XYLT1: variants seen among roughly 807,000 people sequenced by gnomAD.
The protein encoded by XYLT1 is beta-D-xylosyltransferase 1.
In XYLT1, 36 loss-of-function variants were observed where a neutral mutation model predicts 91.3. The ratio of observed to expected loss-of-function variants is 0.39; its 90% confidence interval spans 0.30 to 0.52. The LOEUF is 0.52. XYLT1 is among the 20% of genes least tolerant of loss of function. The probability of loss-of-function intolerance (pLI) is 0.68; values close to 1 mark genes in which losing one functional copy is unlikely to be tolerated. For synonymous variants in XYLT1, 588 were observed against 532.0 expected, an observed-to-expected ratio of 1.11 and a Z score of -1.45; for missense variants, 1,242 against 1,284.5, an observed-to-expected ratio of 0.97 and a Z score of 0.51.
chr16:17,379,089 G>GA (rs2035638278), intron 1 of XYLT1, among the ~76,000 whole-genome samples: 2 of 152,116 alleles, frequency 1.3e-5, no homozygotes, highest in South Asian at 2.1e-4. Context: ...GAAAAGGCAG[G>GA]AAAAAAGTGC....
intron 3 of XYLT1, among the ~76,000 whole-genome samples, chr16:17,213,387 A>G (rs548882270): frequency 1.3e-5 from 2 of 152,292 alleles, no homozygotes; most frequent in South Asian, 2.1e-4. Context: ...CTTTATAGCA[A>G]TGGGAGAATG....
At chr16:17,138,260 T>TGATAAGATGACCTGCAG in intron 8 of XYLT1, 95 bp downstream of exon 8, 1 of 1,459,574 alleles carries the variant, frequency 6.9e-7, no homozygotes, top group South Asian at 1.3e-5. Context: ...GGGCACCATG[T>TGATAAGATGACCTGCAG]GATAAGATGA....
chr16:17,470,080 G>C (rs1332217763), intron 1 of XYLT1, among the ~76,000 whole-genome samples: 1 of 144,932 alleles, frequency 6.9e-6, no homozygotes, highest in Non-Finnish European at 1.5e-5. Context: ...CACTCACTCA[G>C]GCAGGGAGCG....
intron 8 of XYLT1, among the ~76,000 whole-genome samples, chr16:17,138,027 G>A (rs529335719): frequency 7.7e-6 from 1 of 129,156 alleles, no homozygotes; most frequent in African/African-American, 3.3e-5. Context: ...TGATGAAAAG[G>A]GAATAAAGAG....
intron 3 of XYLT1, among the ~76,000 whole-genome samples, chr16:17,224,625 G>GCTTCC (rs2033030770): frequency 6.6e-6 from 1 of 152,120 alleles, no homozygotes; most frequent in South Asian, 2.1e-4. Flanking sequence ...ATGGCTTCAT[G>GCTTCC]AACTCTTGAA....
chr16:17,347,917 G>A lies in XYLT1; in HGVS notation c.402+10095C>T, dbSNP rs117800042. The stretch of plus-strand genomic sequence containing the variant: ...GGAGGGAGTGGTGTTCCTGGACCAC[G>A]GAGACAGTAGCTGCAGCCACGGGAG... On this transcript the variant is annotated intron_variant, in intron 2 of 11. Transcript: ENST00000261381. 2.3e-3 allele frequency among the ~76,000 whole-genome samples: 356 copies of A among 152,272 alleles called. 2 individuals are homozygous for A. The highest frequency in any genetic ancestry group is 3.8e-3 in the Non-Finnish European group (261 of 68,020).
At chr16:17,257,201 G>A (rs903873927) in intron 3 of XYLT1, among the ~76,000 whole-genome samples, 7 of 152,182 alleles carry the variant, frequency 4.6e-5, no homozygotes, top group African/African-American at 1.4e-4. Context: ...AGGAGGGATG[G>A]CCAGGAGTAA....
intron 1 of XYLT1, among the ~76,000 whole-genome samples, chr16:17,359,808 T>G (rs551300032): frequency 2.0e-4 from 31 of 152,350 alleles, no homozygotes; most frequent in African/African-American, 7.2e-4. Context: ...GCAGCTAGGA[T>G]TGGTAAAACC....
intron 2 of XYLT1, 101 bp from the exon 3 acceptor site, chr16:17,259,599 G>T: frequency 7.1e-7 from 1 of 1,409,396 alleles, no homozygotes; most frequent in Non-Finnish European, 9.6e-7. Context: ...GGAAGCCGGG[G>T]CCATAGTTTC....
At chr16:17,282,507 T>TA (rs2141786349) in intron 2 of XYLT1, among the ~76,000 whole-genome samples, 1 of 152,190 alleles carries the variant, frequency 6.6e-6, no homozygotes, top group South Asian at 2.1e-4. Flanking sequence ...TCGGCTCAGG[T>TA]GGGAGGGTGA....
chr16:17,181,982 G>T (rs1389209741), intron 5 of XYLT1, among the ~76,000 whole-genome samples: 2 of 152,130 alleles, frequency 1.3e-5, no homozygotes, highest in East Asian at 1.9e-4. Flanking sequence ...ACATGGAGCT[G>T]CCAGACCTGA....
chr16:17,225,635 A>G (rs537024375), intron 3 of XYLT1, among the ~76,000 whole-genome samples: 2 of 152,274 alleles, frequency 1.3e-5, no homozygotes, highest in South Asian at 2.1e-4. Context: ...TTCTTTTAGT[A>G]TATTACTTGT....
chr16:17,298,116 G>C (rs1028124210), intron 2 of XYLT1, among the ~76,000 whole-genome samples: 1 of 152,118 alleles, frequency 6.6e-6, no homozygotes, highest in Non-Finnish European at 1.5e-5. Context: ...CATCCTGTAA[G>C]GTCTCACTTG....
In XYLT1 at chr16:17,154,405, G is replaced by A. The variant is rs891444724; in HGVS notation, c.1370+4424C>T. Among the ~76,000 whole-genome samples, 95 of 152,274 alleles carry A rather than the reference G, an allele frequency of 6.2e-4. 1 individual carries two copies. The highest frequency in any genetic ancestry group is 3.4e-3 in the Middle Eastern group (1 of 294). On this transcript the variant is annotated intron_variant, in intron 6 of 11. Coordinates refer to ENST00000261381, the MANE Select transcript of XYLT1 (RefSeq NM_022166.4). The stretch of plus-strand genomic sequence containing the variant: ...GAAGGAAAAGTCTCAGAAAAACTCC[G>A]ATTTTCACTTTCCAGCTCCCTGGAA...
intron 1 of XYLT1, among the ~76,000 whole-genome samples, chr16:17,383,752 C>CTTTTTCTTTTT (rs2035712153): frequency 7.4e-6 from 1 of 135,596 alleles, no homozygotes. Context: ...GTGGAATTTT[C>CTTTTTCTTTTT]TTTTTTTTTT....
At chr16:17,352,336 C>T (rs1596497725) in intron 2 of XYLT1, among the ~76,000 whole-genome samples, 4 of 152,326 alleles carry the variant, frequency 2.6e-5, no homozygotes, top group African/African-American at 2.4e-5. Flanking sequence ...CAAATGCTCA[C>T]ATCAGACATT....
chr16:17,219,700 G>A (rs1176142587), intron 3 of XYLT1, among the ~76,000 whole-genome samples: 3 of 152,154 alleles, frequency 2.0e-5, no homozygotes, highest in African/African-American at 7.2e-5. Flanking sequence ...GGAGTGCAGT[G>A]GTGCGATCTT....
intron 2 of XYLT1, among the ~76,000 whole-genome samples, chr16:17,331,385 G>A (rs1215961015): frequency 2.6e-5 from 4 of 152,236 alleles, no homozygotes; most frequent in Non-Finnish European, 4.4e-5. Flanking sequence ...CCCTGAAAGA[G>A]AATGAGCCAA....
At chr16:17,407,303 T>C (rs1177107216) in intron 1 of XYLT1, among the ~76,000 whole-genome samples, 1 of 152,154 alleles carries the variant, frequency 6.6e-6, no homozygotes, top group African/African-American at 2.4e-5. Flanking sequence ...CCAGCCTATT[T>C]ATTCTTATTT....
Sources: gnomAD v4.1 joint callset for allele counts (sites outside exome capture counted in the v4.1 genomes callset) on GRCh38, gnomAD v4.1.1 for gene constraint, MANE v1.5 for transcripts, NCBI Gene and HGNC (gene_info 2026-07-23, HGNC 2026-07-21) for gene names.